STAU1: variants seen among roughly 807,000 people sequenced by gnomAD.
STAU1 encodes the protein double-stranded RNA-binding protein Staufen homolog 1.
A neutral mutation model predicts 62.9 loss-of-function variants in STAU1; 13 were observed. The observed-to-expected ratio is 0.21, with a 90% CI of 0.13 to 0.33. The LOEUF is 0.33. Among genes scored for constraint, STAU1 ranks in the 10% least tolerant of loss-of-function variants. The pLI, the probability that STAU1 is intolerant of heterozygous loss-of-function variation, is 1.00. For synonymous variants in STAU1, 269 were observed against 265.1 expected, an observed-to-expected ratio of 1.01 and a Z score of -0.14; for missense variants, 571 against 712.1, an observed-to-expected ratio of 0.80 and a Z score of 2.25.
At chr20:49,124,741 C>T in intron 6 of STAU1, 154 bp from the exon 7 acceptor site, 1 of 742,930 alleles carries the variant, frequency 1.3e-6, no homozygotes, top group South Asian at 1.8e-5. Flanking sequence ...CAAATGCTTT[C>T]TCGCCTTTCT....
chr20:49,135,977 A>T (rs2092874367), intron 5 of STAU1, 46 bp from the exon 6 acceptor site: 1 of 1,469,260 alleles, frequency 6.8e-7, no homozygotes, highest in African/African-American at 1.4e-5. Flanking sequence ...AAAATAGTCA[A>T]TGGCCAGGTG....
At chr20:49,136,846 C>A (rs1265015214) in intron 5 of STAU1, among the ~76,000 whole-genome samples, 1 of 152,078 alleles carries the variant, frequency 6.6e-6, no homozygotes, top group African/African-American at 2.4e-5. Flanking sequence ...TGCAGGCATG[C>A]GCCACCACAC....
At chr20:49,137,391 C>T (rs2092909367) in intron 5 of STAU1, among the ~76,000 whole-genome samples, 1 of 152,128 alleles carries the variant, frequency 6.6e-6, no homozygotes, top group South Asian at 2.1e-4. Context: ...CTTCTGCGTG[C>T]TGATAACATG....
At chr20:49,130,874 G>A (rs902245839) in intron 6 of STAU1, among the ~76,000 whole-genome samples, 4 of 151,770 alleles carry the variant, frequency 2.6e-5, no homozygotes, top group African/African-American at 2.4e-5. Context: ...GGAGCCAGAG[G>A]TTGCAGTGAG....
intron 6 of STAU1, among the ~76,000 whole-genome samples, chr20:49,128,773 C>CAAAAAAA (rs34891670): frequency 1.1e-3 from 110 of 102,476 alleles, no homozygotes; most frequent in African/African-American, 1.6e-3. Context: ...CATCCAAATC[C>CAAAAAAA]AAAAAAAAAA....
At chr20:49,169,938 T>C (rs1336696503) in intron 2 of STAU1, among the ~76,000 whole-genome samples, 2 of 152,240 alleles carry the variant, frequency 1.3e-5, no homozygotes, top group Non-Finnish European at 2.9e-5. Flanking sequence ...TCCTCCTGGT[T>C]CTTAAGATTG....
chr20:49,197,432 T>C, the STAU1 span, among the ~76,000 whole-genome samples: 2 of 150,648 alleles, frequency 1.3e-5, no homozygotes, highest in African/African-American at 4.9e-5. Context: ...GATGGAGTCT[T>C]GCTCTGTTGC....
At chr20:49,180,013 T>C (rs899967921) in intron 1 of STAU1, among the ~76,000 whole-genome samples, 3 of 152,176 alleles carry the variant, frequency 2.0e-5, no homozygotes, top group African/African-American at 7.2e-5. Context: ...CTTTCAAGAC[T>C]AACCATAAGA....
At chr20:49,115,712 G>T in intron 13 of STAU1, 70 bp downstream of exon 13, 1 of 1,319,074 alleles carries the variant, frequency 7.6e-7, no homozygotes, top group Non-Finnish European at 1.1e-6. Flanking sequence ...TCAGCAGATA[G>T]TGTAAACTCA....
chr20:49,175,331 G>C (rs1471131865), intron 1 of STAU1, among the ~76,000 whole-genome samples: 1 of 142,576 alleles, frequency 7.0e-6, no homozygotes, highest in Non-Finnish European at 1.5e-5. Flanking sequence ...ACTCCTCTGG[G>C]AAAAAAAAAA....
chr20:49,159,159 A>C (rs6125575), intron 3 of STAU1: 394,292 of 1,058,952 alleles, frequency 0.37, 68,161 homozygotes, highest in Middle Eastern at 0.43. Flanking sequence ...AAAAAAAAAA[A>C]AACACACAAA....
intron 6 of STAU1, among the ~76,000 whole-genome samples, chr20:49,127,385 A>C (rs1394121623): frequency 6.6e-6 from 1 of 151,628 alleles, no homozygotes; most frequent in East Asian, 2.0e-4. Context: ...AATAAAAAAT[A>C]AACTGCTCAT....
At chr20:49,206,920 T>C in the STAU1 span, among the ~76,000 whole-genome samples, 1 of 151,280 alleles carries the variant, frequency 6.6e-6, no homozygotes, top group Non-Finnish European at 1.5e-5. Flanking sequence ...CACACCCAGC[T>C]AATTTTTGTA....
At chr20:49,136,803 T>C (rs1319061591) in intron 5 of STAU1, among the ~76,000 whole-genome samples, 2 of 152,100 alleles carry the variant, frequency 1.3e-5, no homozygotes, top group Admixed American at 6.5e-5. Flanking sequence ...GTTCAAGCGA[T>C]TCTCCTGCCT....
intron 6 of STAU1, among the ~76,000 whole-genome samples, chr20:49,127,936 G>A (rs1263268441): frequency 2.0e-5 from 3 of 152,242 alleles, no homozygotes; most frequent in South Asian, 2.1e-4. Context: ...GATCACCTGA[G>A]GCCAGGAGTT....
At chr20:49,157,120 A>G (rs934774719) in intron 3 of STAU1, among the ~76,000 whole-genome samples, 2 of 151,836 alleles carry the variant, frequency 1.3e-5, no homozygotes, top group Admixed American at 1.3e-4. Flanking sequence ...CAAGTGATCC[A>G]CCTGCCTCAG....
At chr20:49,169,112 G>A (rs183371662) in intron 2 of STAU1, among the ~76,000 whole-genome samples, 23 of 152,014 alleles carry the variant, frequency 1.5e-4, no homozygotes, top group Non-Finnish European at 2.2e-4. Context: ...CACCACACCC[G>A]GCTAATTTTG....
chr20:49,163,057 T>C (rs553138216), intron 3 of STAU1, among the ~76,000 whole-genome samples: 33 of 152,132 alleles, frequency 2.2e-4, no homozygotes, highest in Middle Eastern at 3.4e-3. Context: ...CTGGGCATGG[T>C]GGCGTGTGCC....
At chr20:49,124,815 T>C (rs1310415181) in intron 6 of STAU1, among the ~76,000 whole-genome samples, 1 of 152,140 alleles carries the variant, frequency 6.6e-6, no homozygotes, top group East Asian at 1.9e-4. Flanking sequence ...AGGCATGAAA[T>C]AGGGAGACCT....
Sources: gnomAD v4.1 joint callset for allele counts (sites outside exome capture counted in the v4.1 genomes callset) on GRCh38, gnomAD v4.1.1 for gene constraint, MANE v1.5 for transcripts, NCBI Gene and HGNC (gene_info 2026-07-23, HGNC 2026-07-21) for gene names.